Variants in MACROD2 observed in about 807,000 individuals in gnomAD.
MACROD2 encodes the protein ADP-ribose glycohydrolase MACROD2.
MACROD2 carries 36 observed loss-of-function variants against 70.4 expected under a neutral mutation model. The observed-to-expected ratio is 0.51, with a 90% CI of 0.39 to 0.68. The LOEUF (loss-of-function observed/expected upper bound fraction) is 0.68. Among genes scored for constraint, MACROD2 ranks in the 30% least tolerant of loss-of-function variants. The pLI is 0.00. For synonymous variants in MACROD2, 172 were observed against 178.8 expected (o/e 0.96, Z 0.30); for missense variants, 496 against 538.4 (o/e 0.92, Z 0.78).
At chr20:15,914,081 A>G (rs1024032825) in intron 10 of MACROD2, among the ~76,000 whole-genome samples, 1 of 152,236 alleles carries the variant, frequency 6.6e-6, no homozygotes, top group African/African-American at 2.4e-5. Context: ...TGGTAATAAA[A>G]CATTGTTCTC....
intron 5 of MACROD2, among the ~76,000 whole-genome samples, chr20:14,874,996 C>T (rs2073533436): frequency 6.6e-6 from 1 of 151,980 alleles, no homozygotes; most frequent in Non-Finnish European, 1.5e-5. Context: ...TGAGCCGCTG[C>T]ACCTGGCCAA....
intron 4 of MACROD2, among the ~76,000 whole-genome samples, chr20:14,558,296 C>T (rs1251922768): frequency 2.0e-5 from 3 of 151,610 alleles, no homozygotes; most frequent in Non-Finnish European, 4.4e-5. Flanking sequence ...AGTCTATGAA[C>T]ATACAAAAAC....
chr20:15,411,846 G>A (rs761549595), intron 6 of MACROD2, among the ~76,000 whole-genome samples: 4 of 152,150 alleles, frequency 2.6e-5, no homozygotes, highest in East Asian at 1.9e-4. Context: ...TTAATCCATC[G>A]GTGTCCAAAG....
intron 5 of MACROD2, among the ~76,000 whole-genome samples, chr20:14,909,175 C>T (rs2122585047): frequency 6.6e-6 from 1 of 152,162 alleles, no homozygotes; most frequent in African/African-American, 2.4e-5. Context: ...GGAGCTTGTT[C>T]CCTAAATCAG....
chr20:15,047,128 A>G (rs900828305), intron 5 of MACROD2, among the ~76,000 whole-genome samples: 7 of 152,204 alleles, frequency 4.6e-5, no homozygotes, highest in African/African-American at 1.4e-4. Context: ...CTTATTTACT[A>G]ATGGATGTTA....
At chr20:14,125,772 A>C (rs939700390) in intron 3 of MACROD2, among the ~76,000 whole-genome samples, 22 of 152,194 alleles carry the variant, frequency 1.4e-4, no homozygotes, top group African/African-American at 5.3e-4. Context: ...GTCTTCAGAA[A>C]AAAAAATAGC....
intron 5 of MACROD2, among the ~76,000 whole-genome samples, chr20:14,915,093 A>G (rs527528082): frequency 2.6e-5 from 4 of 152,326 alleles, no homozygotes; most frequent in Admixed American, 2.0e-4. Flanking sequence ...CTTTATAACC[A>G]TAAAGAAATG....
At chr20:15,112,979 TG>T (rs2075966302) in intron 5 of MACROD2, among the ~76,000 whole-genome samples, 3 of 151,670 alleles carry the variant, frequency 2.0e-5, no homozygotes, top group Non-Finnish European at 4.4e-5. Context: ...TGTGTGTGTG[TG>T]TTTGTGTGTG....
chr20:15,507,902 G>A (rs955179657), intron 8 of MACROD2, among the ~76,000 whole-genome samples: 3 of 152,210 alleles, frequency 2.0e-5, no homozygotes, highest in African/African-American at 7.2e-5. Flanking sequence ...TATGCATTTT[G>A]CTGTTTCAGT....
chr20:15,643,777 T>G (rs555850140), intron 8 of MACROD2, among the ~76,000 whole-genome samples: 1 of 152,352 alleles, frequency 6.6e-6, no homozygotes, highest in East Asian at 1.9e-4. Flanking sequence ...GAACTTAGGT[T>G]TGGCTGCATG....
chr20:14,996,385 G>A (rs935126306), intron 5 of MACROD2, among the ~76,000 whole-genome samples: 5 of 152,116 alleles, frequency 3.3e-5, no homozygotes, highest in South Asian at 2.1e-4. Context: ...GAACATTAAC[G>A]TTGATAAAGA....
chr20:14,253,857 T>A (rs1049553825), intron 3 of MACROD2, among the ~76,000 whole-genome samples: 1 of 152,132 alleles, frequency 6.6e-6, no homozygotes, highest in East Asian at 1.9e-4. Flanking sequence ...CGTGCATTTA[T>A]TTGTTTCATA....
At chr20:14,523,531 A>C (rs2123183760) in intron 4 of MACROD2, 1 of 152,180 alleles carries the variant, frequency 6.6e-6, no homozygotes, top group East Asian at 1.9e-4. Flanking sequence ...ACTATCTCTA[A>C]ACATTTTCTC....
chr20:15,603,885 A>G (rs962071844), intron 8 of MACROD2, among the ~76,000 whole-genome samples: 1 of 152,156 alleles, frequency 6.6e-6, no homozygotes, highest in African/African-American at 2.4e-5. Flanking sequence ...AATTGTTTTA[A>G]AAAAATGTAT....
chr20:15,032,424 AG>A (rs2075282954), intron 5 of MACROD2, among the ~76,000 whole-genome samples: 1 of 152,200 alleles, frequency 6.6e-6, no homozygotes, highest in African/African-American at 2.4e-5. Flanking sequence ...TGCCATTACC[AG>A]GTGGCTGCAG....
intron 3 of MACROD2, among the ~76,000 whole-genome samples, chr20:14,309,695 T>C (rs959051447): frequency 6.6e-6 from 1 of 152,196 alleles, no homozygotes; most frequent in African/African-American, 2.4e-5. Context: ...TAATGATTTC[T>C]CTATTTTACC....
intron 2 of MACROD2, among the ~76,000 whole-genome samples, chr20:14,002,894 T>G (rs907975730): frequency 2.0e-5 from 3 of 152,302 alleles, no homozygotes; most frequent in African/African-American, 7.2e-5. Flanking sequence ...ATGTAAAGTA[T>G]TTGTATGACA....
At chr20:14,528,849 C>G (rs2085268836) in intron 4 of MACROD2, among the ~76,000 whole-genome samples, 1 of 152,100 alleles carries the variant, frequency 6.6e-6, no homozygotes, top group Non-Finnish European at 1.5e-5. Context: ...CCTGTAGGTG[C>G]AAGTTATCTA....
chr20:15,744,963 A>G (rs2051161009), intron 8 of MACROD2, among the ~76,000 whole-genome samples: 1 of 152,178 alleles, frequency 6.6e-6, no homozygotes, highest in African/African-American at 2.4e-5. Context: ...ACAAAAAAAG[A>G]TAAAAACTAA....
Sources: allele counts gnomAD v4.1 joint callset (sites outside exome capture counted in the v4.1 genomes callset), GRCh38; gene constraint gnomAD v4.1.1; transcripts MANE v1.5; gene names NCBI Gene and HGNC (gene_info 2026-07-23, HGNC 2026-07-21).